Variants in C1orf53 observed in about 807,000 individuals in gnomAD.
C1orf53 encodes the protein chromosome 1 open reading frame 53.
Under a neutral mutation model 17.5 loss-of-function variants are expected in C1orf53, and 23 were observed. The ratio of observed to expected loss-of-function variants is 1.31; its 90% CI spans 0.94 to 1.86. C1orf53 has a LOEUF of 1.86. C1orf53 is among the 40% of genes most tolerant of loss of function. The pLI is 0.00. For missense variants in C1orf53, 255 were observed against 193.2 expected (o/e 1.32, Z -1.89); for synonymous variants, 108 against 81.9 (o/e 1.32, Z -1.72).
At chr1:197,906,724 G>A (rs903134673) in intron 2 of C1orf53, among the ~76,000 whole-genome samples, 1 of 152,202 alleles carries the variant, frequency 6.6e-6, no homozygotes, top group African/African-American at 2.4e-5. Flanking sequence ...TTTGGTGCAA[G>A]AAGGTGTAAT....
rs771472061 is a variant in C1orf53, at chr1:197,902,932, C to G, written c.264+19C>G. The G allele has an allele frequency of 7.4e-7, 1 of 1,349,476 alleles. No homozygotes were observed. Among genetic ancestry groups the G allele is most frequent in the Non-Finnish European group, 9.5e-7 (1 of 1,056,978 alleles). 83.6% of individuals were successfully genotyped at this position (1,349,476 alleles called of 1,614,324 possible). A position where few individuals can be genotyped will look rare whatever the true frequency, so the allele number is the denominator to read the frequency against. Reference sequence around the variant, plus strand: ...CTGCGCGGTGAGACTCCCTCCTGCCCGCCCCGCCCCGCCGCGGCCGCCCCG... The same window carrying G: ...CTGCGCGGTGAGACTCCCTCCTGCCGGCCCCGCCCCGCCGCGGCCGCCCCG... On this transcript the variant is annotated intron_variant, in intron 1 of 2. Coordinates refer to ENST00000367393, the MANE Select transcript of C1orf53 (RefSeq NM_001024594.3).
In C1orf53 at chr1:197,905,713, C is replaced by T; in HGVS notation, c.265-83C>T. ...TTTAATATTGTTTAAAATTTTTCTG[C>T]AGTATTTTATGTGTAGACATTATGG... On this transcript the variant is annotated intron_variant, in intron 1 of 2. Coordinates refer to ENST00000367393, the MANE Select transcript of C1orf53 (RefSeq NM_001024594.3). The T allele has an allele frequency of 3.1e-6, 3 of 974,776 alleles. No homozygotes were observed. In the Middle Eastern group the frequency reaches 6.7e-4, roughly 216 times the overall value. 60.4% of individuals were successfully genotyped at this position (974,776 alleles called of 1,614,324 possible).
chr1:197,906,864 C>T (rs1659529707), intron 2 of C1orf53, among the ~76,000 whole-genome samples: 1 of 152,166 alleles, frequency 6.6e-6, no homozygotes, highest in Non-Finnish European at 1.5e-5. Context: ...TAATCAAATG[C>T]ATAAGAGCTT....
chr1:197,906,368 T>G (rs1571768007), intron 2 of C1orf53, among the ~76,000 whole-genome samples: 1 of 151,924 alleles, frequency 6.6e-6, no homozygotes, highest in African/African-American at 2.4e-5. Flanking sequence ...TTTTTTCCTG[T>G]CTTCTTTCCA....
chr1:197,905,836 T>G lies in C1orf53; in HGVS notation c.305T>G (p.Val102Gly). Reference protein sequence around the residue: ...LNYVDPATGYVVLTQIAHLQR... With the variant: ...LNYVDPATGYGVLTQIAHLQR... Reference sequence around the variant, plus strand: ...TATGTGGATCCAGCTACTGGCTATGTGGTGCTCACACAGATTGCCCACTTG... The same window carrying G: ...TATGTGGATCCAGCTACTGGCTATGGGGTGCTCACACAGATTGCCCACTTG... The change falls in exon 2 of 3, where the codon GTG becomes GGG. Residue 102 changes from valine to glycine, a missense_variant. Coordinates refer to ENST00000367393, the MANE Select transcript of C1orf53 (RefSeq NM_001024594.3). 6.2e-7 allele frequency: 1 copy of G among 1,613,996 alleles called. No homozygotes were observed. The highest frequency in any genetic ancestry group is 1.6e-4 in the Middle Eastern group (1 of 6,062).
chr1:197,905,292 A>G (rs1459127067), intron 1 of C1orf53, among the ~76,000 whole-genome samples: 2 of 152,226 alleles, frequency 1.3e-5, no homozygotes, highest in African/African-American at 4.8e-5. Flanking sequence ...ACATGAAGGT[A>G]AAGAAAGTGT....
intron 1 of C1orf53, among the ~76,000 whole-genome samples, chr1:197,903,491 G>A (rs1441761791): frequency 6.6e-6 from 1 of 152,172 alleles, no homozygotes; most frequent in Non-Finnish European, 1.5e-5. Context: ...ACAATTGTCT[G>A]TTAGTACCAG....
Position 197,907,327 on chromosome 1 carries a change from ATACATATAT to A in C1orf53, c.*110_*118del. The A allele has an allele frequency of 1.9e-6, 1 of 540,538 alleles. No individual in the cohort carries two copies. Among genetic ancestry groups the A allele is most frequent in the Non-Finnish European group, 3.3e-6 (1 of 306,090 alleles). 33.5% of individuals were successfully genotyped at this position (540,538 alleles called of 1,614,324 possible). ...TACTTGAACACTAGTTTAATCCTAA[ATACATATAT>A]TAAAAGAACATCAATAAAATGAAAA... On this transcript the variant is annotated 3_prime_UTR_variant, in exon 3 of 3. Coordinates refer to ENST00000367393, the MANE Select transcript of C1orf53 (RefSeq NM_001024594.3).
chr1:197,903,861 T>G (rs189397330), intron 1 of C1orf53, among the ~76,000 whole-genome samples: 1 of 152,374 alleles, frequency 6.6e-6, no homozygotes, highest in African/African-American at 2.4e-5. Flanking sequence ...CTGGCAGCTT[T>G]TGATTGTTCT....
chr1:197,903,999 TTCAA>T (rs1168506068), intron 1 of C1orf53, among the ~76,000 whole-genome samples: 2 of 152,254 alleles, frequency 1.3e-5, no homozygotes, highest in East Asian at 3.8e-4. Context: ...TGAAGAAATT[TTCAA>T]TCAGTCTAGG....
intron 2 of C1orf53, 82 bp downstream of exon 2, chr1:197,905,979 C>A: frequency 1.8e-6 from 2 of 1,101,294 alleles, no homozygotes; most frequent in Non-Finnish European, 2.8e-6. Context: ...AACAACAAGT[C>A]AAATAAAAAA....
chr1:197,905,736 T>G (rs1659512605), intron 1 of C1orf53, 60 bp from the exon 2 acceptor site: 1 of 1,145,956 alleles, frequency 8.7e-7, no homozygotes. Context: ...GTAGACATTA[T>G]GGTGAAGAGA....
chr1:197,902,950 C>G (rs1455318776), intron 1 of C1orf53, 37 bp downstream of exon 1: 1 of 1,336,434 alleles, frequency 7.5e-7, no homozygotes, highest in Non-Finnish European at 9.5e-7. Context: ...CCCGCCGCGG[C>G]CGCCCCGGGC....
chr1:197,905,059 T>G (rs1659502187), intron 1 of C1orf53, among the ~76,000 whole-genome samples: 1 of 152,242 alleles, frequency 6.6e-6, no homozygotes. Context: ...TTATTTACTT[T>G]TCCCTTCCCA....
chr1:197,902,668 T>A lies in C1orf53; in HGVS notation c.19T>A (p.Trp7Arg). Reference protein sequence around the residue: MAARQIWARTGAALCRQ... With the variant: MAARQIRARTGAALCRQ... ...CGGCGGCATGGCGGCCAGGCAGATC[T>A]GGGCACGGACGGGTGCCGCGCTCTG... The change falls in exon 1 of 3, where the codon TGG becomes AGG. Residue 7 changes from tryptophan to arginine, a missense_variant. By Grantham distance (101) the Trp-to-Arg change is moderately radical (BLOSUM62 -3). Transcript: ENST00000367393. 1 of 1,477,872 alleles carries A rather than the reference T, an allele frequency of 6.8e-7. No homozygotes were observed. The highest frequency in any genetic ancestry group is 8.9e-7 in the Non-Finnish European group (1 of 1,120,598). 91.5% of individuals were successfully genotyped at this position (1,477,872 alleles called of 1,614,324 possible).
At position 197,905,788 on chromosome 1, in the gene C1orf53, C is replaced by A. The variant is rs758716780; in HGVS notation, c.265-8C>A. On this transcript the variant is annotated splice_polypyrimidine_tract_variant and splice_region_variant and intron_variant, in intron 1 of 2. Coordinates refer to ENST00000367393, the MANE Select transcript of C1orf53 (RefSeq NM_001024594.3). ...ATTAATGAATTGTTTCATTTTATTG[C>A]ACTTCAGGCTGGCCAGCTAAACTAT... 6.3e-7 allele frequency: 1 copy of A among 1,577,484 alleles called. No homozygotes were observed. The highest frequency in any genetic ancestry group is 8.7e-7 in the Non-Finnish European group (1 of 1,147,476).
At chr1:197,904,371 C>A (rs1157821234) in intron 1 of C1orf53, among the ~76,000 whole-genome samples, 1 of 152,188 alleles carries the variant, frequency 6.6e-6, no homozygotes, top group East Asian at 1.9e-4. Flanking sequence ...GCTCAATCAA[C>A]ATGGAAAGCT....
Position 197,902,874 on chromosome 1 carries a change from G to A in C1orf53, c.225G>A (p.Ala75=), listed in dbSNP as rs1659447307. ...RPSVSEELTA[A]ERQIAELHAA... ...CGGTGAGCGAAGAGTTAACCGCGGCGGAGCGACAGATCGCGGAGCTGCACG... is the reference window on the plus strand; with the variant it reads ...CGGTGAGCGAAGAGTTAACCGCGGCAGAGCGACAGATCGCGGAGCTGCACG... The change falls in exon 1 of 3, where the codon GCG becomes GCA. Residue 75 remains alanine (A), a synonymous_variant. Coordinates refer to ENST00000367393, the MANE Select transcript of C1orf53 (RefSeq NM_001024594.3). 1 of 1,515,922 alleles carries A rather than the reference G, an allele frequency of 6.6e-7. No homozygotes were observed. Among genetic ancestry groups the A allele is most frequent in the Non-Finnish European group, 8.8e-7 (1 of 1,137,520 alleles). 93.9% of individuals were successfully genotyped at this position (1,515,922 alleles called of 1,614,324 possible). A position where few individuals can be genotyped will look rare whatever the true frequency, so the allele number is the denominator to read the frequency against.
intron 1 of C1orf53, among the ~76,000 whole-genome samples, chr1:197,904,256 A>G (rs1659486204): frequency 6.6e-6 from 1 of 152,170 alleles, no homozygotes; most frequent in Non-Finnish European, 1.5e-5. Context: ...TCTCCAGTCA[A>G]ACTGTCAGCA....
Sources: gnomAD v4.1 joint callset for allele counts (sites outside exome capture counted in the v4.1 genomes callset) on GRCh38, gnomAD v4.1.1 for gene constraint, MANE v1.5 for transcripts, NCBI Gene and HGNC (gene_info 2026-07-23, HGNC 2026-07-21) for gene names.